Variants in ELP6 observed in about 807,000 individuals in gnomAD.
The protein encoded by ELP6 is elongator complex protein 6.
ELP6 carries 23 observed loss-of-function variants against 28.1 expected under a neutral mutation model. That is an observed-to-expected ratio of 0.82 (90% CI 0.59 to 1.16). ELP6 has a LOEUF of 1.16. Among genes scored for constraint, ELP6 ranks in the 50% most tolerant of loss-of-function variants. The pLI is 0.00. For missense variants in ELP6, 313 were observed against 334.6 expected (o/e 0.94, Z 0.50); for synonymous variants, 132 against 135.8 (o/e 0.97, Z 0.19).
intron 1 of ELP6, 97 bp from the exon 2 acceptor site, chr3:47,511,323 C>T (rs1292798771): frequency 2.0e-6 from 3 of 1,485,192 alleles, no homozygotes; most frequent in African/African-American, 1.4e-5. Context: ...TTAATTTCTC[C>T]ACCTGAAGAG....
chr3:47,513,367 G>A, intron 1 of ELP6, 170 bp downstream of exon 1: 1 of 1,409,136 alleles, frequency 7.1e-7, no homozygotes, highest in Non-Finnish European at 9.2e-7. Context: ...CTTTCGGCGG[G>A]CCCAAGCCTC....
intron 3 of ELP6, 86 bp from the exon 4 acceptor site, chr3:47,504,534 C>T: frequency 1.4e-6 from 2 of 1,446,654 alleles, no homozygotes; most frequent in Non-Finnish European, 9.1e-7. Context: ...GCATAAGACA[C>T]CTTCCAAACT....
rs76414810 is a variant in ELP6 at position 47,498,277 on chromosome 3, C to G, written c.672+9G>C. On this transcript the variant is annotated intron_variant, in intron 6 of 6. Coordinates refer to ENST00000296149, the MANE Select transcript of ELP6 (RefSeq NM_001031703.3). ...CAAGAAGCCTGTTGCCCAGGAGGCCCCTGCATACCTGCCCGTGCACATCCC... is the reference window on the plus strand; with the variant it reads ...CAAGAAGCCTGTTGCCCAGGAGGCCGCTGCATACCTGCCCGTGCACATCCC... 6.2e-7 allele frequency: 1 copy of G among 1,612,910 alleles called. No homozygotes were observed. Among genetic ancestry groups the G allele is most frequent in the Non-Finnish European group, 8.5e-7 (1 of 1,179,970 alleles).
intron 2 of ELP6, among the ~76,000 whole-genome samples, chr3:47,510,906 C>T (rs1708996616): frequency 6.6e-6 from 1 of 152,140 alleles, no homozygotes; most frequent in Non-Finnish European, 1.5e-5. Flanking sequence ...AATGTCCACA[C>T]AGTGGGTGGA....
chr3:47,510,295 A>G, intron 2 of ELP6, 41 bp from the exon 3 acceptor site: 5 of 1,529,760 alleles, frequency 3.3e-6, no homozygotes, highest in South Asian at 1.1e-5. Context: ...TCCTCTGGTT[A>G]CAACCAGACT....
At chr3:47,500,347 C>G (rs1708610763) in intron 5 of ELP6, 1 of 592,740 alleles carries the variant, frequency 1.7e-6, no homozygotes, top group Admixed American at 6.2e-5. Flanking sequence ...CCCAGGAGTT[C>G]AAGATCAGCT....
rs572210348 is a variant in ELP6, at chr3:47,500,138, C to T, written c.525+1512G>A. 6.9e-6 allele frequency: 8 copies of T among 1,154,298 alleles called. No individual in the cohort carries two copies. In the East Asian group the frequency reaches 5.5e-4, roughly 79 times the overall value. 71.5% of individuals were successfully genotyped at this position (1,154,298 alleles called of 1,614,324 possible). A position where few individuals can be genotyped will look rare whatever the true frequency, so the allele number is the denominator to read the frequency against. ...ACAGCCATTAAATTATAAATCAGGA[C>T]CAGAAAAAAGGGAAAAGAATGAAGC... On this transcript the variant is annotated intron_variant, in intron 5 of 6. Coordinates refer to ENST00000296149, the MANE Select transcript of ELP6 (RefSeq NM_001031703.3).
chr3:47,496,655 T>G (rs1382086258), intron 6 of ELP6: 6 of 654,446 alleles, frequency 9.2e-6, no homozygotes, highest in African/African-American at 2.0e-5. Flanking sequence ...TCACCATGCC[T>G]GGGCAATTTT....
At chr3:47,502,374 C>T in intron 4 of ELP6, 1 of 971,368 alleles carries the variant, frequency 1.0e-6, no homozygotes. Flanking sequence ...TGAGATCATC[C>T]CACTGCACTC....
chr3:47,497,047 C>T (rs1207748586), intron 6 of ELP6: 1 of 982,254 alleles, frequency 1.0e-6, no homozygotes, highest in Non-Finnish European at 1.2e-6. Flanking sequence ...GTGTGACCTA[C>T]CAGACTTGCC....
intron 6 of ELP6, chr3:47,498,022 T>C (rs1309360648): frequency 1.0e-6 from 1 of 985,178 alleles, no homozygotes; most frequent in Non-Finnish European, 1.2e-6. Flanking sequence ...TGCCCCTGCA[T>C]TCCACTCTAG....
chr3:47,496,025 G>C lies in ELP6; in HGVS notation c.*44C>G, dbSNP rs72913126. 1.7e-5 allele frequency: 28 copies of C among 1,612,408 alleles called. No individual in the cohort carries two copies. Among genetic ancestry groups the C allele is most frequent in the Admixed American group, 8.4e-5 (5 of 59,540 alleles). ...CTTGCTATGTTGCTCTATCTTCCAC[G>C]TCCAAAAACAGTCCTATGTAGCTTC... is the stretch of plus-strand genomic sequence containing the variant. On this transcript the variant is annotated 3_prime_UTR_variant, in exon 7 of 7. Coordinates refer to ENST00000296149, the MANE Select transcript of ELP6 (RefSeq NM_001031703.3).
intron 5 of ELP6, among the ~76,000 whole-genome samples, chr3:47,500,689 T>C (rs773744309): frequency 5.9e-5 from 9 of 152,148 alleles, no homozygotes; most frequent in Non-Finnish European, 8.8e-5. Flanking sequence ...TAACAGTTCC[T>C]CCTCCTCCCA....
chr3:47,512,558 T>A, intron 1 of ELP6: 3 of 966,102 alleles, frequency 3.1e-6, no homozygotes, highest in Non-Finnish European at 3.7e-6. Context: ...CAAAAATAAA[T>A]AAATAAATAA....
At chr3:47,512,586 C>T in intron 1 of ELP6, 1 of 983,186 alleles carries the variant, frequency 1.0e-6, no homozygotes, top group Non-Finnish European at 1.2e-6. Context: ...AAAAGATACA[C>T]TCCTGAAAGA....
chr3:47,510,110 A>C, intron 3 of ELP6, 74 bp downstream of exon 3: 1 of 1,239,886 alleles, frequency 8.1e-7, no homozygotes, highest in Non-Finnish European at 1.2e-6. Flanking sequence ...TGCAAACAGG[A>C]AAGCCAAGCT....
At chr3:47,506,440 C>G (rs1217074558) in intron 3 of ELP6, among the ~76,000 whole-genome samples, 1 of 152,124 alleles carries the variant, frequency 6.6e-6, no homozygotes, top group Non-Finnish European at 1.5e-5. Context: ...TATTTCATCC[C>G]TACAGCCTCG....
At chr3:47,500,040 T>C in intron 5 of ELP6, 3 of 1,286,472 alleles carry the variant, frequency 2.3e-6, no homozygotes, top group African/African-American at 1.5e-5. Context: ...CGCACATCCA[T>C]GCTTTTGAGC....
At chr3:47,512,499 C>T (rs899350595) in intron 1 of ELP6, 10 of 611,836 alleles carry the variant, frequency 1.6e-5, no homozygotes, top group Admixed American at 1.3e-4. Flanking sequence ...TGCAGGGAGC[C>T]GAGATCGCGC....
Sources: gnomAD v4.1 joint callset for allele counts (sites outside exome capture counted in the v4.1 genomes callset) on GRCh38, gnomAD v4.1.1 for gene constraint, MANE v1.5 for transcripts, NCBI Gene and HGNC (gene_info 2026-07-23, HGNC 2026-07-21) for gene names.